The following RECK variants were observed in gnomAD, a reference collection of about 807,000 sequenced individuals.
RECK encodes the protein reversion-inducing cysteine-rich protein with Kazal motifs.
A neutral mutation model predicts 115.1 loss-of-function variants in RECK; 69 were observed. The ratio of observed to expected loss-of-function variants is 0.60; its 90% confidence interval spans 0.49 to 0.73. The LOEUF (loss-of-function observed/expected upper bound fraction) is 0.73, where lower values mean the gene tolerates loss of function less well. RECK is among the 30% of genes least tolerant of loss of function. The probability of loss-of-function intolerance (pLI) is 0.00; values close to 1 mark genes in which losing one functional copy is unlikely to be tolerated. For missense variants in RECK, 1,047 were observed against 1,203.7 expected (o/e 0.87, Z 1.93); for synonymous variants, 414 against 419.7 (o/e 0.99, Z 0.17).
chr9:36,121,417 C>A, intron 19 of RECK, 116 bp from the exon 20 acceptor site: 2 of 944,936 alleles, frequency 2.1e-6, no homozygotes, highest in Non-Finnish European at 3.1e-6. Context: ...GTTGGGCCTT[C>A]CGCTGAGGGC....
At chr9:36,104,312 ATATATATATATATATTTTTTTTTTTT>A (rs1823694049) in intron 12 of RECK, among the ~76,000 whole-genome samples, 1 of 66,106 alleles carries the variant, frequency 1.5e-5, no homozygotes, top group South Asian at 4.9e-4. Flanking sequence ...ATATATATAT[ATATATATATATATATTTTTTTTTTTT>A]TTTTTTTTTT....
At chr9:36,110,185 A>T in intron 15 of RECK, 106 bp downstream of exon 15, 1 of 1,206,988 alleles carries the variant, frequency 8.3e-7, no homozygotes, top group Non-Finnish European at 1.1e-6. Context: ...GTACACAATA[A>T]AATCAATACA....
chr9:36,075,499 A>G (rs577141736), intron 6 of RECK, among the ~76,000 whole-genome samples: 11 of 152,346 alleles, frequency 7.2e-5, no homozygotes, highest in South Asian at 2.1e-4. Flanking sequence ...TTGTTTAGTG[A>G]TATTTCCAAG....
chr9:36,055,670 C>G (rs1344323303), intron 2 of RECK, among the ~76,000 whole-genome samples: 3 of 152,134 alleles, frequency 2.0e-5, no homozygotes, highest in African/African-American at 4.8e-5. Context: ...AAGTCCATAC[C>G]CTTAGCCACC....
chr9:36,092,831 C>T (rs1287345295), intron 10 of RECK, among the ~76,000 whole-genome samples: 2 of 151,428 alleles, frequency 1.3e-5, no homozygotes, highest in Non-Finnish European at 2.9e-5. Flanking sequence ...AGTGAGACAT[C>T]AGAGTTTGGT....
intron 6 of RECK, among the ~76,000 whole-genome samples, chr9:36,076,513 C>T (rs1306453166): frequency 6.6e-6 from 1 of 152,176 alleles, no homozygotes; most frequent in Non-Finnish European, 1.5e-5. Context: ...ATGCTCCCAA[C>T]AGTGGATCAA....
At chr9:36,044,023 A>G (rs1820982943) in intron 1 of RECK, among the ~76,000 whole-genome samples, 1 of 152,076 alleles carries the variant, frequency 6.6e-6, no homozygotes, top group Non-Finnish European at 1.5e-5. Flanking sequence ...TGGTATTTTG[A>G]TGGGAATTGC....
In RECK at chr9:36,084,160, C is replaced by G. The variant is rs376005910; in HGVS notation, c.637+598C>G. Among the ~76,000 whole-genome samples the G allele has an allele frequency of 1.5e-4, 23 of 152,202 alleles. No individual in the cohort carries two copies. In the East Asian group the frequency reaches 2.9e-3, roughly 19 times the overall value. ...CCTGTAATCCCAGCACTTTGAGAAG[C>G]CAAGACAGGCAGATCGTTTTGCGCT... On this transcript the variant is annotated intron_variant, in intron 8 of 20. Coordinates refer to ENST00000377966, the MANE Select transcript of RECK (RefSeq NM_021111.3).
At position 36,109,963 on chromosome 9, in the gene RECK, G is replaced by A. The variant is rs781546425; in HGVS notation, c.1772G>A (p.Gly591Glu). 1.8e-5 allele frequency: 29 copies of A among 1,611,890 alleles called. No homozygotes were observed. In the Admixed American group the frequency reaches 4.8e-4, roughly 27 times the overall value. Residue 591 changes from glycine (G) to glutamate (E), a missense_variant, in exon 15 of 21, where the codon GGA becomes GAA. Coordinates refer to ENST00000377966, the MANE Select transcript of RECK (RefSeq NM_021111.3). ...TTCTTTCTGTTTCTGTCAGGTCATG[G>A]AACATCCTTTAGTATTGACTGCAAT... ...CIVGGKRKSHGTSFSIDCNVC... is the reference protein window; with the variant it reads ...CIVGGKRKSHETSFSIDCNVC...
intron 6 of RECK, among the ~76,000 whole-genome samples, chr9:36,078,843 C>T (rs770754527): frequency 2.0e-5 from 3 of 151,790 alleles, no homozygotes; most frequent in Non-Finnish European, 2.9e-5. Context: ...AGTTGGTAGC[C>T]GACTACCTTT....
At chr9:36,049,757 C>T (rs1348873123) in intron 1 of RECK, among the ~76,000 whole-genome samples, 1 of 152,212 alleles carries the variant, frequency 6.6e-6, no homozygotes, top group African/African-American at 2.4e-5. Context: ...TACAACTGCT[C>T]AAAAGTAGAC....
At chr9:36,098,023 T>A (rs1337695823) in intron 10 of RECK, among the ~76,000 whole-genome samples, 1 of 151,998 alleles carries the variant, frequency 6.6e-6, no homozygotes, top group Non-Finnish European at 1.5e-5. Context: ...AGAGGGTGGC[T>A]GGAAAAGGTG....
In RECK at chr9:36,060,152, C is replaced by T; in HGVS notation, c.268C>T (p.Pro90Ser). The T allele has an allele frequency of 6.2e-7, 1 of 1,612,872 alleles. No individual in the cohort carries two copies. Among genetic ancestry groups the T allele is most frequent in the Non-Finnish European group, 8.5e-7 (1 of 1,179,214 alleles). Residue 90 changes from proline (P) to serine (S), a missense_variant, in exon 4 of 21, where the codon CCA becomes TCA. Physicochemically the swap from Pro to Ser is moderately conservative, Grantham distance 74. Coordinates refer to ENST00000377966, the MANE Select transcript of RECK (RefSeq NM_021111.3). ...TTGGAATTGTATGAATTCATCTTTG[C>T]CAGGTAAGCAATAAAAGTGTAACAT... ...EIWNCMNSSL[P>S]GVFKKSDGWV... is the part of the protein sequence containing the mutation.
chr9:36,118,410 G>A (rs1824343121), intron 17 of RECK, among the ~76,000 whole-genome samples: 1 of 151,812 alleles, frequency 6.6e-6, no homozygotes. Flanking sequence ...AGATTGATCT[G>A]GTCATCTTAA....
rs534424581 is a variant in RECK at position 36,123,174 on chromosome 9, T to A, written c.*129T>A. 1 of 654,550 alleles carries A rather than the reference T, an allele frequency of 1.5e-6. No individual in the cohort carries two copies. The highest frequency in any genetic ancestry group is 2.5e-6 in the Non-Finnish European group (1 of 394,094). The allele number at this position is 654,550 out of a possible 1,614,324, so 40.5% of individuals were successfully genotyped here. A position where few individuals can be genotyped will look rare whatever the true frequency, so the allele number is the denominator to read the frequency against. On this transcript the variant is annotated 3_prime_UTR_variant, in exon 21 of 21. Transcript: ENST00000377966. ...CATGTCACCTCTATTCGCCACACAG[T>A]ATTTTTTTTTTTAATCCGCCAATAT...
intron 1 of RECK, among the ~76,000 whole-genome samples, chr9:36,039,233 G>A (rs550375761): frequency 6.6e-6 from 1 of 152,268 alleles, no homozygotes; most frequent in South Asian, 2.1e-4. Context: ...TAGGAAGCAT[G>A]TATTGCCTGG....
At position 36,118,980 on chromosome 9, in the gene RECK, T is replaced by C; in HGVS notation, c.2464+13T>C. ...ATCATCCCACCGGGTAGGCTGGCAG[T>C]ATCGGGGTGGACAGGGGAGGACTGA... is the stretch of plus-strand genomic sequence containing the variant. On this transcript the variant is annotated intron_variant, in intron 18 of 20. Coordinates refer to ENST00000377966, the MANE Select transcript of RECK (RefSeq NM_021111.3). 1 of 1,610,598 alleles carries C rather than the reference T, an allele frequency of 6.2e-7. No individual in the cohort carries two copies. Among genetic ancestry groups the C allele is most frequent in the Non-Finnish European group, 8.5e-7 (1 of 1,178,666 alleles).
At chr9:36,101,900 T>C (rs1823576931) in intron 11 of RECK, among the ~76,000 whole-genome samples, 194 bp from the exon 12 acceptor site, 1 of 152,208 alleles carries the variant, frequency 6.6e-6, no homozygotes, top group Non-Finnish European at 1.5e-5. Flanking sequence ...AGGGCTTTGG[T>C]CTCAGACAAC....
intron 10 of RECK, among the ~76,000 whole-genome samples, chr9:36,099,852 T>C (rs1269306503): frequency 6.6e-6 from 1 of 152,082 alleles, no homozygotes; most frequent in Non-Finnish European, 1.5e-5. Flanking sequence ...TTGCAGTCAG[T>C]AGGGAGGCAT....
Sources: gnomAD v4.1 joint callset for allele counts (sites outside exome capture counted in the v4.1 genomes callset) on GRCh38, gnomAD v4.1.1 for gene constraint, MANE v1.5 for transcripts, NCBI Gene and HGNC (gene_info 2026-07-23, HGNC 2026-07-21) for gene names.